The following SUPT3H variants were observed in gnomAD, a reference collection of about 807,000 sequenced individuals.
SUPT3H encodes the protein SPT3 homolog, SAGA and STAGA complex component, also known as transcription initiation protein SPT3 homolog.
In SUPT3H, 44 loss-of-function variants were observed where a neutral mutation model predicts 44.3. That is an observed-to-expected ratio of 0.99 (90% CI 0.78 to 1.28). SUPT3H has a LOEUF of 1.28. Ranked by LOEUF, SUPT3H falls within the 50% of genes most tolerant of loss-of-function variation. The pLI, the probability that SUPT3H is intolerant of heterozygous loss-of-function variation, is 0.00. For synonymous variants in SUPT3H, 124 were observed against 125.6 expected, an observed-to-expected ratio of 0.99 and a Z score of 0.09; for missense variants, 380 against 387.1, an observed-to-expected ratio of 0.98 and a Z score of 0.15.
intron 3 of SUPT3H, among the ~76,000 whole-genome samples, chr6:45,094,430 A>G (rs750922209): frequency 3.3e-5 from 5 of 152,158 alleles, no homozygotes; most frequent in East Asian, 1.9e-4. Context: ...AAAACAATTT[A>G]TACTCTGAAA....
intron 2 of SUPT3H, among the ~76,000 whole-genome samples, chr6:45,240,483 A>C (rs1397691353): frequency 6.6e-6 from 1 of 152,214 alleles, no homozygotes; most frequent in Non-Finnish European, 1.5e-5. Flanking sequence ...TACCATAATA[A>C]ATCTGCTCCT....
At chr6:45,364,292 G>T (rs1794765857) in intron 2 of SUPT3H, among the ~76,000 whole-genome samples, 1 of 152,104 alleles carries the variant, frequency 6.6e-6, no homozygotes, top group Admixed American at 6.6e-5. Flanking sequence ...AGTTGATCAT[G>T]CAATTATAAG....
chr6:45,214,015 C>CAT (rs1764573333), intron 2 of SUPT3H, among the ~76,000 whole-genome samples: 1 of 74,120 alleles, frequency 1.3e-5, no homozygotes, highest in Non-Finnish European at 2.4e-5. Flanking sequence ...TTTTGAAATG[C>CAT]AAAAAAAAAA....
At chr6:45,343,275 C>T (rs1196387906) in intron 2 of SUPT3H, among the ~76,000 whole-genome samples, 2 of 151,956 alleles carry the variant, frequency 1.3e-5, no homozygotes, top group Non-Finnish European at 2.9e-5. Flanking sequence ...TTTGGGAGGC[C>T]GAGGCGGGCA....
intron 2 of SUPT3H, among the ~76,000 whole-genome samples, chr6:45,192,865 A>G (rs1240101232): frequency 6.6e-6 from 1 of 152,206 alleles, no homozygotes; most frequent in East Asian, 1.9e-4. Flanking sequence ...CACAAAAATA[A>G]TAACTCTGAC....
chr6:45,230,461 C>A (rs1268812440), intron 2 of SUPT3H, among the ~76,000 whole-genome samples: 1 of 151,374 alleles, frequency 6.6e-6, no homozygotes, highest in Admixed American at 6.6e-5. Context: ...TTCACTTTAT[C>A]ATTATTATAT....
At chr6:45,004,342 G>A (rs1202727072) in intron 5 of SUPT3H, among the ~76,000 whole-genome samples, 2 of 151,514 alleles carry the variant, frequency 1.3e-5, no homozygotes, top group African/African-American at 2.4e-5. Context: ...TAACACAAAG[G>A]AAATCTTAAA....
At chr6:45,003,989 A>T (rs1327923488) in intron 5 of SUPT3H, among the ~76,000 whole-genome samples, 197 bp from the exon 6 acceptor site, 1 of 152,204 alleles carries the variant, frequency 6.6e-6, no homozygotes, top group Non-Finnish European at 1.5e-5. Context: ...CACAAATTAG[A>T]ATGAAAGAAT....
intron 2 of SUPT3H, among the ~76,000 whole-genome samples, chr6:45,142,733 T>A: frequency 6.9e-5 from 1 of 14,474 alleles, no homozygotes; most frequent in Non-Finnish European, 1.2e-4. Flanking sequence ...CTAAACTCCG[T>A]CTCAAAAAAA....
rs751370822 is a variant in SUPT3H, at chr6:45,226,338, A to AGTGT, written c.102-120336_102-120333dup. Among the ~76,000 whole-genome samples the AGTGT allele has an allele frequency of 6.6e-5, 10 of 151,780 alleles. No homozygotes were observed. In the East Asian group the frequency reaches 1.7e-3, roughly 26 times the overall value. ...ATATATTTGTATGTGTGTATGTTTG[A>AGTGT]GTGTGTGTGTGTGTATAACGTTTAC... is the stretch of plus-strand genomic sequence containing the variant. On this transcript the variant is annotated intron_variant, in intron 2 of 10. Coordinates refer to ENST00000371459, the MANE Select transcript of SUPT3H (RefSeq NM_003599.4).
intron 4 of SUPT3H, among the ~76,000 whole-genome samples, chr6:45,017,599 G>A (rs1302967561): frequency 1.3e-5 from 2 of 151,756 alleles, no homozygotes. Flanking sequence ...TTATTAAATA[G>A]GGAATCCTTT....
intron 9 of SUPT3H, 98 bp downstream of exon 9, chr6:44,953,212 A>G (rs1230184441): frequency 2.3e-6 from 2 of 882,588 alleles, no homozygotes; most frequent in African/African-American, 3.3e-5. Context: ...TGAAGGTTAT[A>G]CACTCCTGCA....
At chr6:45,021,493 A>C (rs1021618098) in intron 3 of SUPT3H, among the ~76,000 whole-genome samples, 1 of 151,980 alleles carries the variant, frequency 6.6e-6, no homozygotes, top group African/African-American at 2.4e-5. Context: ...TGCTACAGAA[A>C]ACACTATAAA....
At chr6:44,991,364 C>G (rs1480603760) in intron 6 of SUPT3H, among the ~76,000 whole-genome samples, 1 of 152,036 alleles carries the variant, frequency 6.6e-6, no homozygotes, top group Non-Finnish European at 1.5e-5. Context: ...AGACTGCTCT[C>G]TAGAAAATGG....
chr6:45,346,476 A>T (rs1790883287), intron 2 of SUPT3H, among the ~76,000 whole-genome samples: 1 of 152,084 alleles, frequency 6.6e-6, no homozygotes, highest in Non-Finnish European at 1.5e-5. Context: ...GGTAGCACAG[A>T]TACACAAGAA....
chr6:45,141,060 C>T (rs1299543615), intron 2 of SUPT3H, among the ~76,000 whole-genome samples: 2 of 152,176 alleles, frequency 1.3e-5, no homozygotes, highest in East Asian at 1.9e-4. Flanking sequence ...TCAGAAGAGG[C>T]CGGGTACAGT....
chr6:44,826,222 G>T (rs1160071211), downstream of SUPT3H, among the ~76,000 whole-genome samples: 12 of 152,124 alleles, frequency 7.9e-5, no homozygotes, highest in Admixed American at 7.9e-4. Flanking sequence ...TTTAAGCTTG[G>T]CTAGATGCCC....
chr6:44,949,234 C>T (rs1211930719), intron 9 of SUPT3H, among the ~76,000 whole-genome samples: 4 of 151,600 alleles, frequency 2.6e-5, no homozygotes, highest in Non-Finnish European at 4.4e-5. Context: ...ACACCAGGGC[C>T]CGTTGTGGGG....
At position 44,829,823 on chromosome 6, in the gene SUPT3H, G is replaced by T; in HGVS notation, c.947C>A (p.Ala316Asp). 1 of 1,613,134 alleles carries T rather than the reference G, an allele frequency of 6.2e-7. No homozygotes were observed. ...CACATCACAGTTGTCACATCAGCAG[G>T]CTAGAAAAGCCATCCCATTCCTGCG... ...AYRRNGMAFLAC is the reference protein window; with the variant it reads ...AYRRNGMAFLDC The change falls in exon 11 of 11, where the codon GCC becomes GAC. Residue 316 changes from alanine to aspartate, a missense_variant. Ala to Asp is a moderately radical substitution (Grantham distance 126). Coordinates refer to ENST00000371459, the MANE Select transcript of SUPT3H (RefSeq NM_003599.4).
Sources: allele counts gnomAD v4.1 joint callset (sites outside exome capture counted in the v4.1 genomes callset), GRCh38; gene constraint gnomAD v4.1.1; transcripts MANE v1.5; gene names NCBI Gene and HGNC (gene_info 2026-07-23, HGNC 2026-07-21).